BSN: variants seen among roughly 807,000 people sequenced by gnomAD.
The protein encoded by BSN is protein bassoon.
In BSN, 57 loss-of-function variants were observed where a neutral mutation model predicts 264.8. That is an observed-to-expected ratio of 0.22 (90% CI 0.17 to 0.27). The LOEUF is 0.27. Ranked by LOEUF, BSN falls within the 10% of genes least tolerant of loss-of-function variation. BSN has a pLI of 1.00. For missense variants in BSN, 4,615 were observed against 5,232.5 expected (o/e 0.88, Z 3.64); for synonymous variants, 2,059 against 2,137.3 (o/e 0.96, Z 1.01).
intron 1 of BSN, among the ~76,000 whole-genome samples, chr3:49,605,461 T>A (rs1174983825): frequency 6.8e-5 from 1 of 14,796 alleles, no homozygotes; most frequent in Non-Finnish European, 1.0e-4. Context: ...ATAATATATA[T>A]TATATATAAT....
At chr3:49,575,073 G>A (rs2051832476) in intron 1 of BSN, among the ~76,000 whole-genome samples, 1 of 152,120 alleles carries the variant, frequency 6.6e-6, no homozygotes, top group Non-Finnish European at 1.5e-5. Flanking sequence ...AAGGCCGGGC[G>A]TGATGGCTCA....
chr3:49,664,625 C>T, intron 9 of BSN, 71 bp downstream of exon 9: 1 of 1,548,362 alleles, frequency 6.5e-7, no homozygotes, highest in East Asian at 2.3e-5. Flanking sequence ...GAGATGATTC[C>T]AGACTCAGTC....
intron 1 of BSN, among the ~76,000 whole-genome samples, chr3:49,582,644 C>A (rs1229455760): frequency 6.6e-6 from 1 of 151,934 alleles, no homozygotes; most frequent in East Asian, 1.9e-4. Context: ...TTTTTTCTTG[C>A]CCAATAGCTC....
intron 2 of BSN, among the ~76,000 whole-genome samples, chr3:49,633,437 G>T (rs1003623424): frequency 1.3e-5 from 2 of 152,118 alleles, no homozygotes; most frequent in African/African-American, 4.8e-5. Flanking sequence ...ATAAATGTTG[G>T]CAAGAATGTG....
At chr3:49,597,545 G>T (rs1033777956) in intron 1 of BSN, among the ~76,000 whole-genome samples, 2 of 152,070 alleles carry the variant, frequency 1.3e-5, no homozygotes, top group African/African-American at 4.8e-5. Flanking sequence ...TGCCCAGGCT[G>T]TTCTTGAACT....
In BSN at chr3:49,654,439, C is replaced by A; in HGVS notation, c.4883C>A (p.Ala1628Glu). ...VPSAGADGPL[A>E]LYGWGALPAE... is the part of the protein sequence containing the mutation. The stretch of plus-strand genomic sequence containing the variant: ...AGTGCTGGTGCAGATGGGCCCCTGG[C>A]ACTATATGGCTGGGGTGCCCTCCCT... Residue 1628 changes from alanine (A) to glutamate (E), a missense_variant, in exon 5 of 12, where the codon GCA (alanine) becomes GAA (glutamate). Around this residue, in one of 3 missense-constraint regions of BSN, gnomAD observed 3,415 missense variants for 3,866.4 expected, o/e 0.88. Coordinates refer to ENST00000296452, the MANE Select transcript of BSN (RefSeq NM_003458.4). The surrounding 1 kb of genome is among the most constrained non-coding windows in gnomAD (Gnocchi z 4.1). The A allele has an allele frequency of 6.2e-7, 1 of 1,601,318 alleles. No individual in the cohort carries two copies. Among genetic ancestry groups the A allele is most frequent in the South Asian group, 1.1e-5 (1 of 87,782 alleles).
At chr3:49,554,945 C>T in intron 1 of BSN, 119 bp downstream of exon 1, 1 of 575,134 alleles carries the variant, frequency 1.7e-6, no homozygotes, top group Non-Finnish European at 2.5e-6. Flanking sequence ...GCACTCTGAA[C>T]CCTGCCGGAT....
At chr3:49,569,680 C>T (rs2051781818) in intron 1 of BSN, among the ~76,000 whole-genome samples, 1 of 152,192 alleles carries the variant, frequency 6.6e-6, no homozygotes. Context: ...AAGGCTCAGA[C>T]TGGGCAGTTC....
At position 49,625,180 on chromosome 3, in the gene BSN, G is replaced by C. The variant is rs746291133; in HGVS notation, c.430G>C (p.Val144Leu). The change falls in exon 2 of 12, where the codon GTG becomes CTG. Residue 144 changes from valine (V) to leucine (L), a missense_variant. Val to Leu is a conservative substitution (Grantham distance 32). Around this residue, in one of 3 missense-constraint regions of BSN, gnomAD observed 1,197 missense variants for 1,348.0 expected, o/e 0.89. Coordinates refer to ENST00000296452, the MANE Select transcript of BSN (RefSeq NM_003458.4). This position sits in a 1 kb window ranked among gnomAD's most constrained non-coding sequence, Gnocchi z 4.4. ...ACAGAGATCAGGGCGGTCCCCCTCA[G>C]TGTCACCGGACAGAGGCAGCACCCC... ...RTQRSGRSPSVSPDRGSTPTS... is the reference protein window; with the variant it reads ...RTQRSGRSPSLSPDRGSTPTS... 5 of 1,566,162 alleles carry C rather than the reference G, an allele frequency of 3.2e-6. No individual in the cohort carries two copies. The African/African-American group carries it at 6.8e-5, about 21-fold the overall frequency.
chr3:49,603,790 CA>C (rs1289238232), intron 1 of BSN, among the ~76,000 whole-genome samples: 2 of 152,106 alleles, frequency 1.3e-5, no homozygotes. Flanking sequence ...TATCTAGTTC[CA>C]AACCATTTTT....
intron 1 of BSN, among the ~76,000 whole-genome samples, chr3:49,563,651 T>C (rs894684068): frequency 2.6e-5 from 4 of 152,232 alleles, no homozygotes; most frequent in African/African-American, 9.6e-5. Context: ...CAAAGTCCGG[T>C]ATGTGAGGCT....
chr3:49,598,247 G>A lies in BSN; in HGVS notation c.225-26728G>A, dbSNP rs375578204. ...AACTGGACATTTTAAGGAATATATT[G>A]TACAACTTGTTATTGATTCTGTCCT... On this transcript the variant is annotated intron_variant, in intron 1 of 11. Transcript: ENST00000296452. Among the ~76,000 whole-genome samples, 17 of 152,242 alleles carry A rather than the reference G, an allele frequency of 1.1e-4. No homozygotes were observed. The East Asian group carries it at 2.3e-3, about 21-fold the overall frequency.
chr3:49,650,822 A>G lies in BSN; in HGVS notation c.1729A>G (p.Thr577Ala). 6.2e-7 allele frequency: 1 copy of G among 1,613,924 alleles called. No homozygotes were observed. The highest frequency in any genetic ancestry group is 8.5e-7 in the Non-Finnish European group (1 of 1,179,936). The change falls in exon 4 of 12, where the codon ACC becomes GCC. Residue 577 changes from threonine to alanine, a missense_variant. By Grantham distance (58) the Thr-to-Ala change is moderately conservative. Transcript: ENST00000296452. ...GCCTGCCAAGGCCAGCCCTCTATCC[A>G]CCAAGGCCAGCCCTCTGCCCAGCAA... ...PLPAKASPLSTKASPLPSKAS... is the reference protein window; with the variant it reads ...PLPAKASPLSAKASPLPSKAS...
intron 2 of BSN, among the ~76,000 whole-genome samples, chr3:49,631,362 T>C (rs961090653): frequency 6.6e-6 from 1 of 151,644 alleles, no homozygotes; most frequent in African/African-American, 2.4e-5. Context: ...TCAAGACTAG[T>C]CTGGGCAACA....
At chr3:49,596,443 T>G (rs1448509237) in intron 1 of BSN, among the ~76,000 whole-genome samples, 1 of 152,198 alleles carries the variant, frequency 6.6e-6, no homozygotes, top group Non-Finnish European at 1.5e-5. Flanking sequence ...AGTTTTTTTG[T>G]ATGTGCTCTT....
chr3:49,578,597 T>A (rs1403968874), intron 1 of BSN, among the ~76,000 whole-genome samples: 4 of 88,254 alleles, frequency 4.5e-5, no homozygotes. Context: ...TTAGTAGAGA[T>A]GGGGTTTCAC....
chr3:49,647,025 C>A (rs937206098), intron 3 of BSN, among the ~76,000 whole-genome samples: 7 of 152,222 alleles, frequency 4.6e-5, no homozygotes, highest in Non-Finnish European at 4.4e-5. Context: ...AGTTCTCATT[C>A]ACAGCCCCCT....
chr3:49,629,373 G>T lies in BSN; in HGVS notation c.633+3990G>T, dbSNP rs1575442035. Among the ~76,000 whole-genome samples, 9 of 152,354 alleles carry T rather than the reference G, an allele frequency of 5.9e-5. No homozygotes were observed. The South Asian group carries it at 1.9e-3, about 32-fold the overall frequency. ...TTGTTAGGCTTCTATTCTGACAGTTGGGGGTGGGAGGGAGACAAGGCATGG... is the reference window on the plus strand; with the variant it reads ...TTGTTAGGCTTCTATTCTGACAGTTTGGGGTGGGAGGGAGACAAGGCATGG... On this transcript the variant is annotated intron_variant, in intron 2 of 11. Coordinates refer to ENST00000296452, the MANE Select transcript of BSN (RefSeq NM_003458.4).
At position 49,624,300 on chromosome 3, in the gene BSN, C is replaced by CTTTTTTTTTTTTTTT. The variant is rs71080542; in HGVS notation, c.225-672_225-658dup. ...CCAGGCGTGAGCCAACGTGCCCAGCCTTTTTTTTTTTTTTTTTAGACAGGG... is the reference window on the plus strand; with the variant it reads ...CCAGGCGTGAGCCAACGTGCCCAGCCTTTTTTTTTTTTTTTTTTTTTTTTTTTTTTTTAGACAGGG... On this transcript the variant is annotated intron_variant, in intron 1 of 11. Transcript: ENST00000296452. Among the ~76,000 whole-genome samples the CTTTTTTTTTTTTTTT allele has an allele frequency of 8.7e-3, 581 of 67,136 alleles. 162 individuals are homozygous for CTTTTTTTTTTTTTTT. Among genetic ancestry groups the CTTTTTTTTTTTTTTT allele is most frequent in the Non-Finnish European group, 0.011 (391 of 37,016 alleles). The allele number at this position is 67,136 out of a possible 152,430, so 44.0% of individuals were successfully genotyped here. A position where few individuals can be genotyped will look rare whatever the true frequency, so the allele number is the denominator to read the frequency against.
Sources: allele counts gnomAD v4.1 joint callset (sites outside exome capture counted in the v4.1 genomes callset), GRCh38; gene constraint gnomAD v4.1.1; regional missense constraint gnomAD v4.1.1; non-coding constraint Gnocchi (gnomAD v3.1); transcripts MANE v1.5; gene names NCBI Gene and HGNC (gene_info 2026-07-23, HGNC 2026-07-21).